The following COMMD7 variants were observed in gnomAD, a reference collection of about 807,000 sequenced individuals.
The protein encoded by COMMD7 is COMM domain-containing protein 7.
COMMD7 carries 28 observed loss-of-function variants against 34.8 expected under a neutral mutation model. That is an observed-to-expected ratio of 0.80 (90% CI 0.60 to 1.10). COMMD7 has a LOEUF of 1.10. Ranked by LOEUF, COMMD7 falls within the 50% of genes least tolerant of loss-of-function variation. The pLI, the probability that COMMD7 is intolerant of heterozygous loss-of-function variation, is 0.00. For missense variants in COMMD7, 211 were observed against 241.6 expected (o/e 0.87, Z 0.84); for synonymous variants, 80 against 86.4 (o/e 0.93, Z 0.41).
At chr20:32,733,586 G>A (rs1985963083) in intron 1 of COMMD7, among the ~76,000 whole-genome samples, 1 of 152,006 alleles carries the variant, frequency 6.6e-6, no homozygotes, top group Admixed American at 6.6e-5. Flanking sequence ...CGAGTGTGGT[G>A]GCACGTGCCT....
intron 3 of COMMD7, among the ~76,000 whole-genome samples, chr20:32,721,427 T>C (rs1316048538): frequency 2.0e-5 from 3 of 151,954 alleles, no homozygotes; most frequent in African/African-American, 7.3e-5. Flanking sequence ...CAGGCCAGCA[T>C]GGTGAAACCC....
At chr20:32,725,016 G>C (rs1467720027) in intron 3 of COMMD7, among the ~76,000 whole-genome samples, 2 of 151,532 alleles carry the variant, frequency 1.3e-5, no homozygotes, top group Non-Finnish European at 2.9e-5. Context: ...TGGTCAGGCT[G>C]GTCTCAAAAT....
At chr20:32,736,585 G>A (rs1461821170) in intron 1 of COMMD7, among the ~76,000 whole-genome samples, 6 of 152,022 alleles carry the variant, frequency 3.9e-5, no homozygotes, top group East Asian at 3.9e-4. Flanking sequence ...CAGGAGAATC[G>A]CTTGAACCCA....
chr20:32,715,222 G>A (rs975621751), intron 3 of COMMD7, among the ~76,000 whole-genome samples: 2 of 151,148 alleles, frequency 1.3e-5, no homozygotes, highest in African/African-American at 4.9e-5. Context: ...GGTGGCTCAT[G>A]CCTATATCCC....
intron 1 of COMMD7, among the ~76,000 whole-genome samples, chr20:32,736,859 G>C (rs913938560): frequency 1.3e-5 from 2 of 151,954 alleles, no homozygotes; most frequent in African/African-American, 4.8e-5. Context: ...GGGCAACATG[G>C]CACAACCCCA....
chr20:32,712,269 C>CA (rs56096713), intron 3 of COMMD7, among the ~76,000 whole-genome samples: 8,524 of 71,416 alleles, frequency 0.12, 1,255 homozygotes, highest in East Asian at 0.36. Context: ...GACTCCGTCT[C>CA]AAAAAAAAAA....
intron 3 of COMMD7, among the ~76,000 whole-genome samples, chr20:32,714,857 A>AACAACAACAACAACAAC (rs1568778705): frequency 1.6e-4 from 8 of 49,524 alleles, no homozygotes; most frequent in African/African-American, 4.6e-4. Flanking sequence ...ACAACAACAA[A>AACAACAACAACAACAAC]AATTAGCCAG....
intron 3 of COMMD7, 111 bp from the exon 4 acceptor site, chr20:32,706,871 G>A (rs1984114815): frequency 3.8e-6 from 3 of 790,684 alleles, no homozygotes; most frequent in Non-Finnish European, 6.5e-6. Flanking sequence ...AACACCCAAA[G>A]ACTGGCCAGC....
intron 1 of COMMD7, among the ~76,000 whole-genome samples, chr20:32,738,316 C>T (rs945103537): frequency 2.6e-5 from 4 of 152,084 alleles, no homozygotes; most frequent in Admixed American, 1.3e-4. Flanking sequence ...TGGCCAGGTA[C>T]GGTGGCTCAC....
intron 7 of COMMD7, 128 bp downstream of exon 7, chr20:32,704,312 A>T: frequency 1.1e-6 from 1 of 906,468 alleles, no homozygotes; most frequent in Non-Finnish European, 1.7e-6. Flanking sequence ...TTAGCTGGCC[A>T]CACTGCTCTG....
intron 3 of COMMD7, among the ~76,000 whole-genome samples, chr20:32,715,713 C>T (rs1488415557): frequency 4.6e-5 from 7 of 151,498 alleles, no homozygotes; most frequent in Non-Finnish European, 8.8e-5. Context: ...AGGCTGAGGT[C>T]GGAGGCTTAC....
chr20:32,743,237 T>TGGCCCCCCCC, intron 1 of COMMD7, 71 bp downstream of exon 1: 1 of 526,958 alleles, frequency 1.9e-6, no homozygotes. Context: ...CCCCCGGACG[T>TGGCCCCCCCC]CCCCCCCACC....
Position 32,718,710 on chromosome 20 carries a change from T to C in COMMD7, c.241+9183A>G, listed in dbSNP as rs111631888. ...CGAGACTCTGTCTCAAATAAATACA[T>C]TAATAAAATAAAATAAAATGCCAAA... On this transcript the variant is annotated intron_variant, in intron 3 of 8. Coordinates refer to ENST00000278980, the MANE Select transcript of COMMD7 (RefSeq NM_053041.3). 4.9e-3 allele frequency among the ~76,000 whole-genome samples: 740 copies of C among 151,472 alleles called. 3 individuals carry two copies. Among genetic ancestry groups the C allele is most frequent in the African/African-American group, 0.017 (694 of 41,260 alleles).
intron 3 of COMMD7, among the ~76,000 whole-genome samples, chr20:32,709,766 G>A (rs28612490): frequency 0.69 from 105,190 of 151,962 alleles, 37,073 homozygotes; most frequent in Middle Eastern, 0.82. Context: ...TCTACCCCTG[G>A]CCATTTGCCC....
chr20:32,725,431 G>GTTTTTTTTTT (rs56381432), intron 3 of COMMD7, among the ~76,000 whole-genome samples: 4 of 129,950 alleles, frequency 3.1e-5, no homozygotes, highest in African/African-American at 8.6e-5. Flanking sequence ...ACTGTGTTTT[G>GTTTTTTTTTT]TTTTTTTTTT....
chr20:32,740,083 C>T lies in COMMD7; in HGVS notation c.84+3225G>A, dbSNP rs1045218605. Among the ~76,000 whole-genome samples, 28 of 141,176 alleles carry T rather than the reference C, an allele frequency of 2.0e-4. 7 individuals carry two copies. Among genetic ancestry groups the T allele is most frequent in the African/African-American group, 5.9e-4 (22 of 37,296 alleles). The allele number at this position is 141,176 out of a possible 152,430, so 92.6% of individuals were successfully genotyped here. On this transcript the variant is annotated intron_variant, in intron 1 of 8. Coordinates refer to ENST00000278980, the MANE Select transcript of COMMD7 (RefSeq NM_053041.3). The stretch of plus-strand genomic sequence containing the variant: ...CTGTAATCCCAAAACTTTGGGAGGC[C>T]GAGGTGGGCAGATCATGAAGTCAGG...
intron 3 of COMMD7, among the ~76,000 whole-genome samples, chr20:32,725,404 A>G (rs1350193724): frequency 4.7e-5 from 7 of 148,910 alleles, no homozygotes; most frequent in Admixed American, 1.3e-4. Flanking sequence ...TTTACTTTTG[A>G]CTCTCTATAG....
Position 32,703,124 on chromosome 20 carries a change from G to C in COMMD7, c.*258C>G, listed in dbSNP as rs1325565645. The C allele has an allele frequency of 5.7e-6, 2 of 351,284 alleles. No homozygotes were observed. The highest frequency in any genetic ancestry group is 1.0e-5 in the Non-Finnish European group (2 of 195,872). 21.8% of individuals were successfully genotyped at this position (351,284 alleles called of 1,614,324 possible). ...CCCTGAATCTGAGATGCAGTGGCCT[G>C]TCAGAGTATCTAAAAATGTGTCCTG... is the stretch of plus-strand genomic sequence containing the variant. On this transcript the variant is annotated 3_prime_UTR_variant, in exon 9 of 9. Coordinates refer to ENST00000278980, the MANE Select transcript of COMMD7 (RefSeq NM_053041.3).
At chr20:32,707,299 A>G (rs1246012053) in intron 3 of COMMD7, among the ~76,000 whole-genome samples, 1 of 139,468 alleles carries the variant, frequency 7.2e-6, no homozygotes, top group Admixed American at 7.3e-5. Context: ...AAAAAAATAT[A>G]TATATATATA....
Sources: allele counts gnomAD v4.1 joint callset (sites outside exome capture counted in the v4.1 genomes callset), GRCh38; gene constraint gnomAD v4.1.1; transcripts MANE v1.5; gene names NCBI Gene and HGNC (gene_info 2026-07-23, HGNC 2026-07-21).